The following YEATS2 variants were observed in gnomAD, a reference collection of about 807,000 sequenced individuals.
The protein encoded by YEATS2 is YEATS domain containing 2, also known as YEATS domain-containing protein 2.
A neutral mutation model predicts 163.2 loss-of-function variants in YEATS2; 77 were observed. The ratio of observed to expected loss-of-function variants is 0.47; its 90% CI spans 0.39 to 0.57. YEATS2 has a LOEUF of 0.57. Ranked by LOEUF, YEATS2 falls within the 20% of genes least tolerant of loss-of-function variation. The probability of loss-of-function intolerance (pLI) is 0.00; values close to 1 mark genes in which losing one functional copy is unlikely to be tolerated. For missense variants in YEATS2, 1,549 were observed against 1,729.8 expected (o/e 0.90, Z 1.85); for synonymous variants, 631 against 645.1 (o/e 0.98, Z 0.33).
intron 15 of YEATS2, among the ~76,000 whole-genome samples, chr3:183,768,512 T>C (rs262957): frequency 0.46 from 69,964 of 151,864 alleles, 16,477 homozygotes; most frequent in East Asian, 0.65. Context: ...TCTGCCACAC[T>C]CCCAAAAAGT....
At position 183,775,456 on chromosome 3, in the gene YEATS2, A is replaced by G. The variant is rs760864515; in HGVS notation, c.2369-459A>G. 4.1e-4 allele frequency among the ~76,000 whole-genome samples: 63 copies of G among 152,286 alleles called. 1 individual carries two copies. The highest frequency in any genetic ancestry group is 7.1e-4 in the Non-Finnish European group (48 of 68,016). ...ACTAAAAATACAAAATTAGCTGGGCATGGTGGCACACGCCTGTAGTCCCAG... is the reference window on the plus strand; with the variant it reads ...ACTAAAAATACAAAATTAGCTGGGCGTGGTGGCACACGCCTGTAGTCCCAG... On this transcript the variant is annotated intron_variant, in intron 17 of 30. Transcript: ENST00000305135.
At chr3:183,799,136 T>C in intron 23 of YEATS2, 147 bp downstream of exon 23, 1 of 686,172 alleles carries the variant, frequency 1.5e-6, no homozygotes, top group East Asian at 2.5e-5. Context: ...AATCAGTCAC[T>C]TGGCAAATAT....
At chr3:183,791,496 T>C (rs1354739711) in intron 21 of YEATS2, among the ~76,000 whole-genome samples, 1 of 152,244 alleles carries the variant, frequency 6.6e-6, no homozygotes, top group Non-Finnish European at 1.5e-5. Context: ...TGAAAGTTAC[T>C]ATTTGAATTT....
At chr3:183,710,948 C>T (rs764370022) in intron 1 of YEATS2, among the ~76,000 whole-genome samples, 6 of 152,140 alleles carry the variant, frequency 3.9e-5, no homozygotes, top group Non-Finnish European at 8.8e-5. Context: ...TAGTATGGTA[C>T]AAGGACAAGT....
chr3:183,718,501 G>T lies in YEATS2; in HGVS notation c.200G>T (p.Arg67Leu). The change falls in exon 4 of 31, where the codon CGA becomes CTA. Residue 67 changes from arginine to leucine, a missense_variant and splice_region_variant. Arg to Leu is a moderately radical substitution (Grantham distance 102). Coordinates refer to ENST00000305135, the MANE Select transcript of YEATS2 (RefSeq NM_018023.5). ...TAATGAGTTAACATTTGTTTTTAGC[G>T]ACTGATTGAAGCAAGAAGGATGATG... Reference protein sequence around the residue: ...KEHEIEVIDQRLIEARRMMDK... With the variant: ...KEHEIEVIDQLLIEARRMMDK... 2 of 1,609,440 alleles carry T rather than the reference G, an allele frequency of 1.2e-6. No individual in the cohort carries two copies. The highest frequency in any genetic ancestry group is 1.7e-6 in the Non-Finnish European group (2 of 1,178,444).
At chr3:183,793,360 A>T in intron 21 of YEATS2, 16 of 1,088,976 alleles carry the variant, frequency 1.5e-5, no homozygotes, top group Non-Finnish European at 1.8e-5. Context: ...CTTGATTTCT[A>T]CCTCCCTGTT....
At chr3:183,796,982 G>C (rs1189085786) in intron 21 of YEATS2, among the ~76,000 whole-genome samples, 1 of 151,940 alleles carries the variant, frequency 6.6e-6, no homozygotes, top group East Asian at 1.9e-4. Flanking sequence ...TATAATCCCA[G>C]TGCTGGCCAG....
At chr3:183,798,359 T>C (rs1048876140) in intron 22 of YEATS2, among the ~76,000 whole-genome samples, 29 of 152,180 alleles carry the variant, frequency 1.9e-4, no homozygotes, top group Non-Finnish European at 3.8e-4. Context: ...TTGTTTTCCT[T>C]TCCTTTTCTT....
chr3:183,788,377 C>T (rs1724270216), intron 20 of YEATS2, among the ~76,000 whole-genome samples: 1 of 152,172 alleles, frequency 6.6e-6, no homozygotes, highest in African/African-American at 2.4e-5. Context: ...TAATTGTTAG[C>T]TCCCACATGA....
rs1351997361 is a variant in YEATS2, at chr3:183,797,919, C to T, written c.3098-4C>T. The T allele has an allele frequency of 2.5e-6, 4 of 1,613,918 alleles. No homozygotes were observed. Among genetic ancestry groups the T allele is most frequent in the Non-Finnish European group, 3.4e-6 (4 of 1,179,872 alleles). ...ACTTGGCTTTATCTTCCAATTTGTTCTAGGACTGTTAAAGATTCACTCCAG... is the reference window on the plus strand; with the variant it reads ...ACTTGGCTTTATCTTCCAATTTGTTTTAGGACTGTTAAAGATTCACTCCAG... On this transcript the variant is annotated splice_polypyrimidine_tract_variant and splice_region_variant and intron_variant, in intron 21 of 30. Transcript: ENST00000305135.
chr3:183,726,001 C>A (rs1362009593), intron 6 of YEATS2, among the ~76,000 whole-genome samples: 1 of 151,764 alleles, frequency 6.6e-6, no homozygotes, highest in African/African-American at 2.4e-5. Flanking sequence ...GTAGATAAGT[C>A]TTTTCGGTCA....
intron 3 of YEATS2, among the ~76,000 whole-genome samples, chr3:183,718,284 A>G (rs543515504): frequency 1.3e-4 from 20 of 152,366 alleles, no homozygotes; most frequent in African/African-American, 4.6e-4. Context: ...GAATATACAC[A>G]TAAATGTACA....
chr3:183,786,096 G>T, intron 19 of YEATS2, 29 bp from the exon 20 acceptor site: 1 of 1,603,276 alleles, frequency 6.2e-7, no homozygotes, highest in Non-Finnish European at 8.5e-7. Context: ...AAGGCAACAT[G>T]ATTATTTCTG....
At chr3:183,772,778 C>CA (rs11425644) in intron 16 of YEATS2, among the ~76,000 whole-genome samples, 63,489 of 150,260 alleles carry the variant, frequency 0.42, 13,757 homozygotes, top group East Asian at 0.63. Context: ...CACACACACA[C>CA]CCACATACAC....
chr3:183,714,993 C>A (rs569360849), intron 1 of YEATS2, among the ~76,000 whole-genome samples, 151 bp from the exon 2 acceptor site: 44 of 151,728 alleles, frequency 2.9e-4, no homozygotes, highest in Non-Finnish European at 7.4e-5. Context: ...TATACACATA[C>A]CCACAGACTT....
In YEATS2 at chr3:183,811,770, T is replaced by C. The variant is rs1416008377; in HGVS notation, c.*1187T>C. The C allele has an allele frequency of 6.6e-6, 1 of 152,148 alleles. No homozygotes were observed. Among genetic ancestry groups the C allele is most frequent in the East Asian group, 1.9e-4 (1 of 5,170 alleles). 9.4% of individuals were successfully genotyped at this position (152,148 alleles called of 1,614,324 possible). On this transcript the variant is annotated 3_prime_UTR_variant, in exon 31 of 31. Coordinates refer to ENST00000305135, the MANE Select transcript of YEATS2 (RefSeq NM_018023.5). ...CCTGTGTGGAAGGCAGAACAAAGAA[T>C]GCATGCCCAGTCAGAAATCTGTTCT... is the stretch of plus-strand genomic sequence containing the variant.
At chr3:183,723,088 C>G (rs901185971) in intron 5 of YEATS2, among the ~76,000 whole-genome samples, 1 of 152,210 alleles carries the variant, frequency 6.6e-6, no homozygotes, top group Non-Finnish European at 1.5e-5. Flanking sequence ...TCAACTCTGT[C>G]GTGTTTATTC....
chr3:183,772,938 G>A (rs1469467195), intron 16 of YEATS2, among the ~76,000 whole-genome samples: 2 of 152,094 alleles, frequency 1.3e-5, no homozygotes, highest in Non-Finnish European at 2.9e-5. Context: ...ATCCTCTGAT[G>A]TACTTTACTT....
At chr3:183,774,426 C>A (rs367964028) in intron 17 of YEATS2, among the ~76,000 whole-genome samples, 3 of 152,142 alleles carry the variant, frequency 2.0e-5, no homozygotes, top group South Asian at 4.1e-4. Context: ...AACCACCCCC[C>A]GCCTCCTGTC....
Sources: gnomAD v4.1 joint callset for allele counts (sites outside exome capture counted in the v4.1 genomes callset) on GRCh38, gnomAD v4.1.1 for gene constraint, MANE v1.5 for transcripts, NCBI Gene and HGNC (gene_info 2026-07-23, HGNC 2026-07-21) for gene names.